Variants in PDE4D observed in about 807,000 individuals in gnomAD.
PDE4D encodes the protein 3',5'-cyclic-AMP phosphodiesterase 4D.
In PDE4D, 24 loss-of-function variants were observed where a neutral mutation model predicts 87.4. The ratio of observed to expected loss-of-function variants is 0.27; its 90% confidence interval spans 0.20 to 0.39. The LOEUF is 0.39. Ranked by LOEUF, PDE4D falls within the 10% of genes least tolerant of loss-of-function variation. The pLI, the probability that PDE4D is intolerant of heterozygous loss-of-function variation, is 1.00. For synonymous variants in PDE4D, 384 were observed against 383.2 expected (o/e 1.00, Z -0.02); for missense variants, 714 against 1,041.0 (o/e 0.69, Z 4.32).
At chr5:60,259,247 A>T (rs1749398528) in intron 1 of PDE4D, among the ~76,000 whole-genome samples, 1 of 152,110 alleles carries the variant, frequency 6.6e-6, no homozygotes, top group Non-Finnish European at 1.5e-5. Flanking sequence ...GTAATGGAAC[A>T]GCAAAGTAGA....
intron 2 of PDE4D, among the ~76,000 whole-genome samples, chr5:60,015,500 TA>T (rs1765418438): frequency 6.6e-6 from 1 of 152,186 alleles, no homozygotes; most frequent in African/African-American, 2.4e-5. Context: ...TGCTATGCTG[TA>T]AAGAAGCCCA....
chr5:60,477,255 A>T (rs1748401616), intron 1 of PDE4D, among the ~76,000 whole-genome samples: 1 of 152,202 alleles, frequency 6.6e-6, no homozygotes, highest in Admixed American at 6.5e-5. Flanking sequence ...AATAGAGCTC[A>T]GGGATAGATA....
At chr5:59,278,828 C>T (rs961604203) in intron 1 of PDE4D, among the ~76,000 whole-genome samples, 2 of 151,998 alleles carry the variant, frequency 1.3e-5, no homozygotes, top group Admixed American at 6.6e-5. Flanking sequence ...AATGGTGCCC[C>T]GATACAACTT....
chr5:60,174,503 G>T (rs1050956646), intron 2 of PDE4D, among the ~76,000 whole-genome samples: 2 of 151,946 alleles, frequency 1.3e-5, no homozygotes, highest in African/African-American at 4.8e-5. Context: ...GGCAATAGAG[G>T]TGTTGGTCTT....
intron 1 of PDE4D, among the ~76,000 whole-genome samples, chr5:59,466,211 G>A (rs900019772): frequency 1.3e-5 from 2 of 152,162 alleles, no homozygotes; most frequent in African/African-American, 4.8e-5. Context: ...AAATTAGCGT[G>A]TGTACAATTA....
At position 58,974,117 on chromosome 5, in the gene PDE4D, G is replaced by T. The variant is rs1743149712; in HGVS notation, c.*547C>A. The stretch of plus-strand genomic sequence containing the variant: ...TTTTACATATCATACAAAATGTAGA[G>T]GTCAGTGCAGCTCACTGAACCACAC... On this transcript the variant is annotated 3_prime_UTR_variant, in exon 15 of 15. Coordinates refer to ENST00000340635, the MANE Select transcript of PDE4D (RefSeq NM_001104631.2). The T allele has an allele frequency of 6.6e-6, 1 of 152,410 alleles. No homozygotes were observed. The highest frequency in any genetic ancestry group is 2.4e-5 in the African/African-American group (1 of 41,390). The allele number at this position is 152,410 out of a possible 1,614,324, so 9.4% of individuals were successfully genotyped here.
At chr5:59,037,167 A>T (rs1220707686) in intron 6 of PDE4D, among the ~76,000 whole-genome samples, 1 of 152,220 alleles carries the variant, frequency 6.6e-6, no homozygotes, top group Non-Finnish European at 1.5e-5. Flanking sequence ...TTCAGTTTTA[A>T]ATCCAAACAT....
At chr5:59,379,655 TG>T (rs1332180397) in intron 1 of PDE4D, among the ~76,000 whole-genome samples, 2 of 152,130 alleles carry the variant, frequency 1.3e-5, no homozygotes, top group South Asian at 2.1e-4. Context: ...GGGTCTAATA[TG>T]AAAATTTATT....
chr5:59,831,447 A>G (rs912055293), intron 1 of PDE4D, among the ~76,000 whole-genome samples: 8 of 152,038 alleles, frequency 5.3e-5, no homozygotes, highest in Admixed American at 2.0e-4. Flanking sequence ...GATAACAACA[A>G]TGGTAGTTTG....
At chr5:60,324,894 GA>G (rs1381127714) in intron 1 of PDE4D, among the ~76,000 whole-genome samples, 2 of 152,150 alleles carry the variant, frequency 1.3e-5, no homozygotes, top group East Asian at 3.8e-4. Flanking sequence ...ATAGCTCTCA[GA>G]AAAATATGAT....
In PDE4D at chr5:60,401,191, A is replaced by G. The variant is rs146695136; in HGVS notation, c.-90+86751T>C. The stretch of plus-strand genomic sequence containing the variant: ...TAAAACTGTCCAGAAAAGTCAGGAC[A>G]TGATAAGCCCAAATTTCAAGGAGTG... On this transcript the variant is annotated intron_variant, in intron 1 of 16. Transcript: ENST00000502484. Among the ~76,000 whole-genome samples the G allele has an allele frequency of 6.6e-5, 10 of 152,332 alleles. No individual in the cohort carries two copies. The East Asian group carries it at 1.9e-3, about 29-fold the overall frequency.
chr5:60,155,704 CT>C (rs1213525201), intron 2 of PDE4D, among the ~76,000 whole-genome samples: 1 of 152,178 alleles, frequency 6.6e-6, no homozygotes. Flanking sequence ...TAGTTTATAA[CT>C]GCAGAGGTTC....
chr5:60,111,838 G>A (rs1273988363), intron 2 of PDE4D, among the ~76,000 whole-genome samples: 2 of 151,742 alleles, frequency 1.3e-5, no homozygotes, highest in Admixed American at 6.6e-5. Context: ...TATTAGTTTT[G>A]TTCTCATTTG....
At chr5:60,357,293 A>G (rs956541196) in intron 1 of PDE4D, among the ~76,000 whole-genome samples, 1 of 152,098 alleles carries the variant, frequency 6.6e-6, no homozygotes, top group Non-Finnish European at 1.5e-5. Flanking sequence ...GCTACTAAAT[A>G]ATTTTTTGAG....
intron 1 of PDE4D, among the ~76,000 whole-genome samples, chr5:59,639,519 A>T (rs1232092408): frequency 6.6e-6 from 1 of 152,204 alleles, no homozygotes; most frequent in Non-Finnish European, 1.5e-5. Flanking sequence ...TCAACATGGT[A>T]CAGAGACTGA....
chr5:59,732,394 TCACACACACACA>T (rs71604799), intron 1 of PDE4D, among the ~76,000 whole-genome samples: 6 of 146,128 alleles, frequency 4.1e-5, no homozygotes, highest in East Asian at 4.1e-4. Flanking sequence ...CAGGAGACAT[TCACACACACACA>T]CACACACACA....
At chr5:60,103,487 T>C (rs1419681039) in intron 2 of PDE4D, among the ~76,000 whole-genome samples, 2 of 152,166 alleles carry the variant, frequency 1.3e-5, no homozygotes, top group Non-Finnish European at 2.9e-5. Context: ...ATGAGATTTA[T>C]TAAACAGGAA....
Position 59,185,269 on chromosome 5 carries a change from C to T in PDE4D, c.685-7G>A, listed in dbSNP as rs759564207. ...TTCGCAGACTGGCCAAGACCTACAA[C>T]AAGAAAGGATTCTTGAAACTTCTTG... On this transcript the variant is annotated splice_polypyrimidine_tract_variant and splice_region_variant and intron_variant, in intron 3 of 14. Coordinates refer to ENST00000340635, the MANE Select transcript of PDE4D (RefSeq NM_001104631.2). 4.4e-6 allele frequency: 7 copies of T among 1,599,424 alleles called. No homozygotes were observed. In the Admixed American group the frequency reaches 1.2e-4, roughly 28 times the overall value.
intron 1 of PDE4D, among the ~76,000 whole-genome samples, chr5:59,225,891 C>T (rs1191710467): frequency 6.7e-6 from 1 of 149,420 alleles, no homozygotes; most frequent in Admixed American, 6.7e-5. Context: ...AAATGGCAAA[C>T]AGGGATATGA....
Sources: gnomAD v4.1 joint callset for allele counts (sites outside exome capture counted in the v4.1 genomes callset) on GRCh38, gnomAD v4.1.1 for gene constraint, MANE v1.5 for transcripts, NCBI Gene and HGNC (gene_info 2026-07-23, HGNC 2026-07-21) for gene names.